The following CACNA2D1 variants were observed in gnomAD, a reference collection of about 807,000 sequenced individuals.
CACNA2D1 encodes calcium voltage-gated channel auxiliary subunit alpha2delta 1.
Under a neutral mutation model 171.5 loss-of-function variants are expected in CACNA2D1, and 53 were observed. That is an observed-to-expected ratio of 0.31 (90% CI 0.25 to 0.39). The LOEUF (loss-of-function observed/expected upper bound fraction) is 0.39. CACNA2D1 is among the 10% of genes least tolerant of loss of function. The pLI is 1.00. For missense variants in CACNA2D1, 903 were observed against 1,299.8 expected, an observed-to-expected ratio of 0.69 and a Z score of 4.69; for synonymous variants, 442 against 443.1, an observed-to-expected ratio of 1.00 and a Z score of 0.03.
intron 3 of CACNA2D1, among the ~76,000 whole-genome samples, chr7:82,330,845 T>C (rs1006832850): frequency 6.6e-6 from 1 of 152,132 alleles, no homozygotes; most frequent in Non-Finnish European, 1.5e-5. Context: ...TAAGTAGGAA[T>C]GTAGATCTTG....
chr7:81,959,498 G>A, intron 37 of CACNA2D1, 141 bp from the exon 38 acceptor site: 4 of 778,466 alleles, frequency 5.1e-6, no homozygotes, highest in Non-Finnish European at 8.8e-6. Flanking sequence ...CAAGTACATA[G>A]GGATTTAAAG....
chr7:82,136,635 A>G lies in CACNA2D1; in HGVS notation c.396T>C (p.Asp132=). The change falls in exon 5 of 39, where the codon GAT becomes GAC. Residue 132 remains aspartate (D), a splice_region_variant and synonymous_variant. Coordinates refer to ENST00000356860, the MANE Select transcript of CACNA2D1 (RefSeq NM_000722.4). ...VVYYNAKDDL[D]PEKNDSEPGS... ...TTAATGGAAAACATTTAATACTCAC[A>G]TCGAGATCATCCTTTGCATTGTAGT... is the stretch of plus-strand genomic sequence containing the variant. 6.3e-7 allele frequency: 1 copy of G among 1,588,790 alleles called. No individual in the cohort carries two copies. Among genetic ancestry groups the G allele is most frequent in the Non-Finnish European group, 8.6e-7 (1 of 1,163,914 alleles).
intron 3 of CACNA2D1, among the ~76,000 whole-genome samples, chr7:82,235,056 T>C (rs1803392419): frequency 6.6e-6 from 1 of 152,006 alleles, no homozygotes; most frequent in African/African-American, 2.4e-5. Flanking sequence ...TGAGAATGAG[T>C]AAAATTACCA....
chr7:82,122,741 C>T (rs1408159898), intron 5 of CACNA2D1, among the ~76,000 whole-genome samples: 2 of 152,112 alleles, frequency 1.3e-5, no homozygotes, highest in African/African-American at 4.8e-5. Flanking sequence ...TCTGAAAGTT[C>T]AACATAGCAC....
intron 3 of CACNA2D1, among the ~76,000 whole-genome samples, chr7:82,248,718 C>A (rs961281931): frequency 1.3e-5 from 2 of 152,052 alleles, no homozygotes; most frequent in African/African-American, 2.4e-5. Context: ...AGATCAAAAT[C>A]CTGCTATAGT....
chr7:82,064,267 T>G (rs774863236), intron 9 of CACNA2D1, 37 bp downstream of exon 9: 1 of 1,380,840 alleles, frequency 7.2e-7, no homozygotes, highest in Non-Finnish European at 1.0e-6. Flanking sequence ...TCCTCCCATA[T>G]TCTCAATATA....
intron 7 of CACNA2D1, among the ~76,000 whole-genome samples, chr7:82,078,334 A>G (rs954119152): frequency 6.6e-6 from 1 of 152,150 alleles, no homozygotes; most frequent in Non-Finnish European, 1.5e-5. Context: ...ATTTCAATGA[A>G]CCACTGATTC....
At chr7:82,310,789 T>C (rs1218272399) in intron 3 of CACNA2D1, among the ~76,000 whole-genome samples, 2 of 152,148 alleles carry the variant, frequency 1.3e-5, no homozygotes, top group African/African-American at 4.8e-5. Flanking sequence ...ATTATCACTT[T>C]GGCTAAATCA....
chr7:82,020,633 T>C (rs1300535961), intron 12 of CACNA2D1, among the ~76,000 whole-genome samples: 3 of 152,110 alleles, frequency 2.0e-5, no homozygotes, highest in Admixed American at 1.3e-4. Flanking sequence ...TTTAGCCTTT[T>C]ATGCCTCAAG....
At chr7:82,057,968 T>C (rs988709553) in intron 10 of CACNA2D1, among the ~76,000 whole-genome samples, 7 of 152,196 alleles carry the variant, frequency 4.6e-5, no homozygotes, top group Admixed American at 4.6e-4. Context: ...TAAGAATCAT[T>C]GACTGGATAG....
intron 25 of CACNA2D1, among the ~76,000 whole-genome samples, chr7:81,973,956 T>A (rs971365603): frequency 6.6e-6 from 1 of 152,008 alleles, no homozygotes; most frequent in Non-Finnish European, 1.5e-5. Context: ...AGAAGCATAA[T>A]TTTTTAAGAC....
At chr7:81,981,025 T>A (rs901993969) in intron 24 of CACNA2D1, among the ~76,000 whole-genome samples, 10 of 152,272 alleles carry the variant, frequency 6.6e-5, no homozygotes, top group African/African-American at 1.4e-4. Flanking sequence ...AGTCTGGAAA[T>A]AGATATAATA....
Position 82,032,860 on chromosome 7 carries a change from T to C in CACNA2D1, c.1080A>G (p.Leu360=), listed in dbSNP as rs1169691935. 35 of 1,604,076 alleles carry C rather than the reference T, an allele frequency of 2.2e-5. No individual in the cohort carries two copies. Among genetic ancestry groups the C allele is most frequent in the Non-Finnish European group, 2.8e-5 (33 of 1,171,696 alleles). The change falls in exon 12 of 39, where the codon CTA becomes CTG. Residue 360 remains leucine, a synonymous_variant. Coordinates refer to ENST00000356860, the MANE Select transcript of CACNA2D1 (RefSeq NM_000722.4). ...SRANCNKIIM[L]FTDGGEERAQ... Reference sequence around the variant, plus strand: ...CTCTCTCTTCTCCTCCATCCGTGAATAGCATAATAATCTTATTGCAGTTTG... The same window carrying C: ...CTCTCTCTTCTCCTCCATCCGTGAACAGCATAATAATCTTATTGCAGTTTG...
chr7:82,170,837 AGTTT>A (rs1255104918), intron 3 of CACNA2D1, among the ~76,000 whole-genome samples: 1 of 151,992 alleles, frequency 6.6e-6, no homozygotes, highest in African/African-American at 2.4e-5. Context: ...AATACCATTA[AGTTT>A]GTTACCTCTG....
intron 1 of CACNA2D1, among the ~76,000 whole-genome samples, chr7:82,361,118 A>G (rs1427364534): frequency 6.6e-6 from 1 of 152,092 alleles, no homozygotes; most frequent in Admixed American, 6.6e-5. Flanking sequence ...GTTCTCTTTG[A>G]CCCTCTTTGC....
chr7:82,350,020 C>T (rs1223336165), intron 1 of CACNA2D1, among the ~76,000 whole-genome samples: 1 of 152,206 alleles, frequency 6.6e-6, no homozygotes, highest in Non-Finnish European at 1.5e-5. Flanking sequence ...ATAGTAAGAT[C>T]ATACTAAATG....
chr7:82,086,056 G>A (rs1297800455), intron 6 of CACNA2D1, among the ~76,000 whole-genome samples: 6 of 152,086 alleles, frequency 3.9e-5, no homozygotes, highest in Non-Finnish European at 8.8e-5. Context: ...GGGCCACTTT[G>A]CATTTGACAA....
At chr7:81,997,154 G>A (rs746534990) in intron 19 of CACNA2D1, 25 bp downstream of exon 19, 4 of 1,372,444 alleles carry the variant, frequency 2.9e-6, no homozygotes, top group Non-Finnish European at 4.2e-6. Flanking sequence ...CTGAGGAATT[G>A]TTTAGTCTTA....
intron 6 of CACNA2D1, among the ~76,000 whole-genome samples, chr7:82,086,803 C>A (rs1355266163): frequency 6.6e-6 from 1 of 152,024 alleles, no homozygotes; most frequent in Non-Finnish European, 1.5e-5. Context: ...GTTTTTAAGG[C>A]TGCTAACTTT....
Sources: gnomAD v4.1 joint callset for allele counts (sites outside exome capture counted in the v4.1 genomes callset) on GRCh38, gnomAD v4.1.1 for gene constraint, MANE v1.5 for transcripts, NCBI Gene and HGNC (gene_info 2026-07-23, HGNC 2026-07-21) for gene names.